AUH: variants seen among roughly 807,000 people sequenced by gnomAD.
AUH encodes AU RNA binding methylglutaconyl-CoA hydratase, also known as methylglutaconyl-CoA hydratase, mitochondrial.
A neutral mutation model predicts 42.3 loss-of-function variants in AUH; 29 were observed. That is an observed-to-expected ratio of 0.69 (90% CI 0.51 to 0.93). AUH has a LOEUF of 0.93. Among genes scored for constraint, AUH ranks in the 40% least tolerant of loss-of-function variants. AUH has a pLI of 0.00. For missense variants in AUH, 452 were observed against 438.1 expected, an observed-to-expected ratio of 1.03 and a Z score of -0.28; for synonymous variants, 174 against 166.4, an observed-to-expected ratio of 1.05 and a Z score of -0.35.
At chr9:91,321,912 T>C (rs1829606849) in intron 4 of AUH, among the ~76,000 whole-genome samples, 2 of 152,200 alleles carry the variant, frequency 1.3e-5, no homozygotes, top group South Asian at 4.1e-4. Flanking sequence ...AGAGACCATA[T>C]GGCACCATAA....
At chr9:91,331,031 T>C (rs930568610) in intron 3 of AUH, among the ~76,000 whole-genome samples, 4 of 151,994 alleles carry the variant, frequency 2.6e-5, no homozygotes, top group African/African-American at 9.7e-5. Flanking sequence ...TCAGTTAAAA[T>C]TTTTTTTAAG....
At chr9:91,248,016 G>A (rs76530346) in intron 6 of AUH, among the ~76,000 whole-genome samples, 14,296 of 152,140 alleles carry the variant, frequency 0.094, 731 homozygotes, top group African/African-American at 0.13. Context: ...CTTAACTTCA[G>A]TAAGTCCAGT....
At chr9:91,249,551 T>C (rs1829008156) in intron 6 of AUH, among the ~76,000 whole-genome samples, 1 of 152,150 alleles carries the variant, frequency 6.6e-6, no homozygotes, top group Admixed American at 6.5e-5. Flanking sequence ...ATCAGCAATA[T>C]AAGAGATACT....
rs779230138 is a variant in AUH, at chr9:91,220,980, C to T, written c.668G>A (p.Arg223Gln). The T allele has an allele frequency of 2.4e-5, 38 of 1,614,006 alleles. No individual in the cohort carries two copies. Among genetic ancestry groups the T allele is most frequent in the Non-Finnish European group, 2.6e-5 (31 of 1,180,034 alleles). Residue 223 changes from arginine to glutamine, a missense_variant, in exon 7 of 10, where the codon CGA (arginine) becomes CAA (glutamine). Transcript: ENST00000375731. ...AIIPGGGGTQRLPRAIGMSLA... is the reference protein window; with the variant it reads ...AIIPGGGGTQQLPRAIGMSLA... ...GGACATTCCAATGGCGCGTGGCAATCGCTGTGTCCCCCCTGAGGGGTGAAA... is the reference window on the plus strand; with the variant it reads ...GGACATTCCAATGGCGCGTGGCAATTGCTGTGTCCCCCCTGAGGGGTGAAA...
intron 4 of AUH, among the ~76,000 whole-genome samples, chr9:91,315,229 G>A (rs1211888023): frequency 8.5e-5 from 13 of 152,274 alleles, no homozygotes; most frequent in African/African-American, 2.2e-4. Context: ...ATGAGCCACC[G>A]CGCCCAGCCC....
At chr9:91,287,916 A>G (rs548300079) in intron 6 of AUH, among the ~76,000 whole-genome samples, 17 of 152,142 alleles carry the variant, frequency 1.1e-4, no homozygotes, top group Admixed American at 7.2e-4. Context: ...ATATTTTGAA[A>G]TGTTTCTATG....
At chr9:91,266,286 T>C (rs373570207) in intron 6 of AUH, among the ~76,000 whole-genome samples, 39 of 151,962 alleles carry the variant, frequency 2.6e-4, no homozygotes, top group African/African-American at 8.9e-4. Context: ...CGCTTGAACC[T>C]GGGAGGCAGA....
At chr9:91,274,868 G>C (rs964749711) in intron 6 of AUH, among the ~76,000 whole-genome samples, 1 of 152,100 alleles carries the variant, frequency 6.6e-6, no homozygotes, top group Non-Finnish European at 1.5e-5. Flanking sequence ...CCAATCCTAG[G>C]AGAATTAAAC....
chr9:91,215,007 T>C (rs1356618787), intron 9 of AUH, among the ~76,000 whole-genome samples: 1 of 152,216 alleles, frequency 6.6e-6, no homozygotes, highest in Non-Finnish European at 1.5e-5. Context: ...TTCTAAGACG[T>C]TTGTAATTCA....
intron 4 of AUH, among the ~76,000 whole-genome samples, chr9:91,315,383 A>G (rs1395424672): frequency 6.6e-6 from 1 of 151,544 alleles, no homozygotes. Context: ...AATATTCATG[A>G]CTCCTCCTGC....
intron 5 of AUH, among the ~76,000 whole-genome samples, chr9:91,296,681 T>C (rs564625621): frequency 6.6e-6 from 1 of 152,196 alleles, no homozygotes; most frequent in Non-Finnish European, 1.5e-5. Context: ...TTCCAAAACC[T>C]GTATTCTTTC....
At chr9:91,339,718 C>A (rs187252763) in intron 3 of AUH, among the ~76,000 whole-genome samples, 16 of 152,292 alleles carry the variant, frequency 1.1e-4, no homozygotes, top group Middle Eastern at 3.4e-3. Context: ...GAACTTGCAC[C>A]TGTGGCTGCA....
intron 6 of AUH, among the ~76,000 whole-genome samples, chr9:91,285,772 T>C (rs778012343): frequency 2.1e-4 from 32 of 152,154 alleles, no homozygotes; most frequent in Non-Finnish European, 3.8e-4. Context: ...AATTACACTT[T>C]AATGTATAAA....
chr9:91,344,426 G>A (rs1831331236), intron 3 of AUH, among the ~76,000 whole-genome samples: 1 of 152,146 alleles, frequency 6.6e-6, no homozygotes, highest in South Asian at 2.1e-4. Context: ...ATAAAACCAA[G>A]CTGTAGACTG....
At chr9:91,343,045 T>C (rs1419564338) in intron 3 of AUH, 1 of 152,218 alleles carries the variant, frequency 6.6e-6, no homozygotes, top group Admixed American at 6.5e-5. Context: ...ATATAATACA[T>C]ATAACATACA....
At chr9:91,346,883 A>G (rs1343190175) in intron 3 of AUH, among the ~76,000 whole-genome samples, 1 of 151,454 alleles carries the variant, frequency 6.6e-6, no homozygotes, top group Non-Finnish European at 1.5e-5. Flanking sequence ...AAAACACTTT[A>G]TTTACTATAT....
intron 4 of AUH, among the ~76,000 whole-genome samples, chr9:91,298,773 T>C (rs1827550157): frequency 6.6e-6 from 1 of 152,256 alleles, no homozygotes; most frequent in African/African-American, 2.4e-5. Flanking sequence ...TTGTAAATTA[T>C]GACATACAGA....
intron 6 of AUH, among the ~76,000 whole-genome samples, chr9:91,250,161 G>A (rs1160616061): frequency 1.3e-5 from 2 of 152,154 alleles, no homozygotes; most frequent in Admixed American, 6.5e-5. Context: ...CTGCCAGGGC[G>A]AGCCTGGAGT....
intron 4 of AUH, among the ~76,000 whole-genome samples, chr9:91,314,461 C>T (rs1488990259): frequency 3.5e-5 from 5 of 143,170 alleles, no homozygotes; most frequent in Admixed American, 1.5e-4. Flanking sequence ...CCAGCCTGGG[C>T]GACACAGGGA....
Sources: allele counts gnomAD v4.1 joint callset (sites outside exome capture counted in the v4.1 genomes callset), GRCh38; gene constraint gnomAD v4.1.1; transcripts MANE v1.5; gene names NCBI Gene and HGNC (gene_info 2026-07-23, HGNC 2026-07-21).